ADAM19: variants seen among roughly 807,000 people sequenced by gnomAD.
ADAM19 encodes disintegrin and metalloproteinase domain-containing protein 19.
ADAM19 carries 65 observed loss-of-function variants against 114.7 expected under a neutral mutation model. The ratio of observed to expected loss-of-function variants is 0.57; its 90% confidence interval spans 0.46 to 0.70. ADAM19 has a LOEUF of 0.70. ADAM19 is among the 30% of genes least tolerant of loss of function. ADAM19 has a pLI of 0.00. For synonymous variants in ADAM19, 466 were observed against 460.5 expected, an observed-to-expected ratio of 1.01 and a Z score of -0.15; for missense variants, 1,063 against 1,204.7, an observed-to-expected ratio of 0.88 and a Z score of 1.74.
At position 157,480,028 on chromosome 5, in the gene ADAM19, C is replaced by T. The variant is rs553228142; in HGVS notation, c.*921G>A. ...GAGCCAGTGAGGGAAATCCAGTGGC[C>T]GACTGTGAGAGAGGACTCTGACTTG... On this transcript the variant is annotated 3_prime_UTR_variant, in exon 23 of 23. Coordinates refer to ENST00000257527, the MANE Select transcript of ADAM19 (RefSeq NM_033274.5). The T allele has an allele frequency of 9.1e-6, 9 of 985,840 alleles. No individual in the cohort carries two copies. The highest frequency in any genetic ancestry group is 1.1e-4 in the East Asian group (1 of 8,818). The allele number at this position is 985,840 out of a possible 1,614,324, so 61.1% of individuals were successfully genotyped here.
At chr5:157,491,551 A>ACCTG in intron 18 of ADAM19, 64 bp downstream of exon 18, 1 of 1,185,288 alleles carries the variant, frequency 8.4e-7, no homozygotes, top group Non-Finnish European at 1.2e-6. Flanking sequence ...GCAACATGCC[A>ACCTG]CCTGCCCCTG....
chr5:157,481,494 T>C, intron 22 of ADAM19: 1 of 1,021,616 alleles, frequency 9.8e-7, no homozygotes, highest in Non-Finnish European at 1.4e-6. Context: ...ATAGCCTCTG[T>C]ACAAATGAGG....
chr5:157,548,168 C>T (rs1757098915), intron 3 of ADAM19, among the ~76,000 whole-genome samples: 1 of 152,182 alleles, frequency 6.6e-6, no homozygotes, highest in Non-Finnish European at 1.5e-5. Context: ...TTCTTTACTT[C>T]CTCCTATCAG....
chr5:157,486,091 G>A (rs1754922900), intron 21 of ADAM19, among the ~76,000 whole-genome samples: 1 of 152,194 alleles, frequency 6.6e-6, no homozygotes. Context: ...GCTAGGAGGT[G>A]GGGAATCTTT....
chr5:157,564,463 A>C lies in ADAM19; in HGVS notation c.181-20T>G. On this transcript the variant is annotated intron_variant, in intron 2 of 22. Transcript: ENST00000257527. Reference sequence around the variant, plus strand: ...TGGATGCTAAAAGCAACAACAAAACAATGTCAGTTCCTAAAAGCCGGCACC... The same window carrying C: ...TGGATGCTAAAAGCAACAACAAAACCATGTCAGTTCCTAAAAGCCGGCACC... 2 of 1,613,658 alleles carry C rather than the reference A, an allele frequency of 1.2e-6. No homozygotes were observed. Among genetic ancestry groups the C allele is most frequent in the Non-Finnish European group, 1.7e-6 (2 of 1,179,532 alleles).
At chr5:157,535,133 T>C (rs1756728035) in intron 4 of ADAM19, among the ~76,000 whole-genome samples, 1 of 152,246 alleles carries the variant, frequency 6.6e-6, no homozygotes, top group African/African-American at 2.4e-5. Context: ...GATATCAGCA[T>C]ATGCAATTTG....
rs780902025 is a variant in ADAM19 at position 157,507,003 on chromosome 5, T to C, written c.990+53A>G. The C allele has an allele frequency of 8.7e-6, 13 of 1,486,730 alleles. No individual in the cohort carries two copies. The East Asian group carries it at 3.0e-4, about 34-fold the overall frequency. 92.1% of individuals were successfully genotyped at this position (1,486,730 alleles called of 1,614,324 possible). A position where few individuals can be genotyped will look rare whatever the true frequency, so the allele number is the denominator to read the frequency against. On this transcript the variant is annotated intron_variant, in intron 10 of 22. Transcript: ENST00000257527. ...ATTATTCAAAAGATGACCTCTGGTC[T>C]TGAAAGGCAGCTCAGCGCCTTCTGC...
chr5:157,574,627 C>A (rs1253045028), intron 1 of ADAM19, among the ~76,000 whole-genome samples: 2 of 152,184 alleles, frequency 1.3e-5, no homozygotes, highest in Non-Finnish European at 2.9e-5. Flanking sequence ...GTCAGCCCAG[C>A]CCGTCTGCAG....
intron 11 of ADAM19, among the ~76,000 whole-genome samples, chr5:157,504,339 C>T (rs1017641308): frequency 3.9e-5 from 6 of 152,168 alleles, no homozygotes; most frequent in African/African-American, 7.2e-5. Flanking sequence ...CAACCTTTGC[C>T]TCTCGAGTTC....
intron 14 of ADAM19, among the ~76,000 whole-genome samples, chr5:157,496,066 A>C (rs1229052622): frequency 6.7e-6 from 1 of 149,696 alleles, no homozygotes; most frequent in African/African-American, 2.5e-5. Flanking sequence ...CAGCCTCCTG[A>C]GTAGCTAGGA....
At chr5:157,494,571 T>C (rs183836194) in intron 15 of ADAM19, 116 bp downstream of exon 15, 184 of 757,694 alleles carry the variant, frequency 2.4e-4, no homozygotes, top group African/African-American at 2.1e-3. Flanking sequence ...CTTCAACTGA[T>C]TGACGTAAAG....
intron 5 of ADAM19, among the ~76,000 whole-genome samples, 170 bp downstream of exon 5, chr5:157,530,637 T>A (rs1756597444): frequency 1.3e-5 from 2 of 152,240 alleles, no homozygotes; most frequent in Non-Finnish European, 1.5e-5. Flanking sequence ...ATTTCTGGAT[T>A]ACCTAGGCTT....
intron 5 of ADAM19, among the ~76,000 whole-genome samples, chr5:157,523,474 C>T (rs927607257): frequency 6.6e-6 from 1 of 152,080 alleles, no homozygotes; most frequent in African/African-American, 2.4e-5. Flanking sequence ...AGAGTTTTTA[C>T]TCAGCAAATT....
intron 3 of ADAM19, among the ~76,000 whole-genome samples, chr5:157,561,196 A>T (rs922104319): frequency 1.3e-5 from 2 of 152,208 alleles, no homozygotes; most frequent in Non-Finnish European, 2.9e-5. Context: ...CAAAGCAGAG[A>T]CAGGCTGCCG....
chr5:157,509,165 C>G, intron 9 of ADAM19, 136 bp downstream of exon 9: 1 of 837,974 alleles, frequency 1.2e-6, no homozygotes, highest in Non-Finnish European at 1.8e-6. Flanking sequence ...TTAGGAAATG[C>G]CTGATTCTCT....
chr5:157,542,622 A>G (rs1458496018), intron 3 of ADAM19, among the ~76,000 whole-genome samples: 1 of 152,218 alleles, frequency 6.6e-6, no homozygotes, highest in African/African-American at 2.4e-5. Flanking sequence ...ACCAGCCTGG[A>G]CAACAGGGCG....
rs1374820572 is a variant in ADAM19, at chr5:157,494,775, G to A, written c.1615C>T (p.Leu539Phe). The change falls in exon 15 of 23, where the codon CTC (leucine) becomes TTC (phenylalanine). Residue 539 changes from leucine to phenylalanine, a missense_variant. Around this residue, in one of 3 missense-constraint regions of ADAM19, gnomAD observed 615 missense variants for 706.3 expected, o/e 0.87. Transcript: ENST00000257527. Reference protein sequence around the residue: ...WGPGARPAPDLCFEKVNVAGD... With the variant: ...WGPGARPAPDFCFEKVNVAGD... ...GCCACATTCACCTTCTCGAAGCAGA[G>A]GTCAGGGGCAGGTCGGGCTCCTGGG... The A allele has an allele frequency of 1.2e-6, 2 of 1,613,792 alleles. No individual in the cohort carries two copies. The highest frequency in any genetic ancestry group is 2.2e-5 in the South Asian group (2 of 91,072).
intron 8 of ADAM19, among the ~76,000 whole-genome samples, chr5:157,511,010 A>G (rs1755902796): frequency 6.6e-6 from 1 of 152,220 alleles, no homozygotes; most frequent in Non-Finnish European, 1.5e-5. Flanking sequence ...CTGAAATTCT[A>G]TACCCAAGAT....
chr5:157,573,520 C>T lies in ADAM19; in HGVS notation c.94+2083G>A, dbSNP rs370762523. 5.1e-4 allele frequency among the ~76,000 whole-genome samples: 77 copies of T among 152,214 alleles called. 1 individual carries two copies. The South Asian group carries it at 0.015, about 29-fold the overall frequency. On this transcript the variant is annotated intron_variant, in intron 1 of 22. Transcript: ENST00000257527. Reference sequence around the variant, plus strand: ...TAGCACTTTAGGAGGCCGAGGCGGGCGGATCACCTGAGGTCAGGAATTTGA... The same window carrying T: ...TAGCACTTTAGGAGGCCGAGGCGGGTGGATCACCTGAGGTCAGGAATTTGA...
Sources: allele counts gnomAD v4.1 joint callset (sites outside exome capture counted in the v4.1 genomes callset), GRCh38; gene constraint gnomAD v4.1.1; regional missense constraint gnomAD v4.1.1; transcripts MANE v1.5; gene names NCBI Gene and HGNC (gene_info 2026-07-23, HGNC 2026-07-21).